Variants in LTBP1 observed in about 807,000 individuals in gnomAD.
LTBP1 encodes latent transforming growth factor beta binding protein 1, also known as latent-transforming growth factor beta-binding protein 1.
LTBP1 carries 129 observed loss-of-function variants against 207.6 expected under a neutral mutation model. The observed-to-expected ratio is 0.62, with a 90% CI of 0.54 to 0.72. The LOEUF is 0.72. Ranked by LOEUF, LTBP1 falls within the 30% of genes least tolerant of loss-of-function variation. The probability of loss-of-function intolerance (pLI) is 0.00; values close to 1 mark genes in which losing one functional copy is unlikely to be tolerated. For synonymous variants in LTBP1, 963 were observed against 833.7 expected (o/e 1.16, Z -2.67); for missense variants, 2,281 against 2,217.2 (o/e 1.03, Z -0.58).
intron 8 of LTBP1, among the ~76,000 whole-genome samples, chr2:33,219,809 A>G (rs985778830): frequency 6.6e-6 from 1 of 151,996 alleles, no homozygotes; most frequent in African/African-American, 2.4e-5. Flanking sequence ...ACCCCAAAGT[A>G]GCAGGGATGT....
intron 18 of LTBP1, among the ~76,000 whole-genome samples, chr2:33,277,396 C>T (rs551319510): frequency 1.3e-5 from 2 of 152,264 alleles, no homozygotes; most frequent in Non-Finnish European, 2.9e-5. Flanking sequence ...AGAGATGCAG[C>T]GTGGGAGCAG....
Position 33,001,959 on chromosome 2 carries a change from A to C in LTBP1, c.566-18950A>C, listed in dbSNP as rs896870309. On this transcript the variant is annotated intron_variant, in intron 2 of 33. Coordinates refer to ENST00000404816, the MANE Select transcript of LTBP1 (RefSeq NM_206943.4). ...TCTTAGACGCTTGCAGAAAGCTGGCATGGTGGCAAGGCAGAGGTGTCCTGT... is the reference window on the plus strand; with the variant it reads ...TCTTAGACGCTTGCAGAAAGCTGGCCTGGTGGCAAGGCAGAGGTGTCCTGT... Among the ~76,000 whole-genome samples the C allele has an allele frequency of 1.6e-4, 21 of 134,686 alleles. 3 individuals carry two copies. Among genetic ancestry groups the C allele is most frequent in the African/African-American group, 5.4e-4 (21 of 38,604 alleles). The allele number at this position is 134,686 out of a possible 152,430, so 88.4% of individuals were successfully genotyped here.
At chr2:33,155,673 CTT>C (rs1049108555) in intron 5 of LTBP1, among the ~76,000 whole-genome samples, 4 of 152,134 alleles carry the variant, frequency 2.6e-5, no homozygotes, top group African/African-American at 9.7e-5. Context: ...GGTCTAAAAA[CTT>C]TTCTCCTTTG....
intron 3 of LTBP1, among the ~76,000 whole-genome samples, chr2:33,053,859 C>G (rs941855161): frequency 1.1e-4 from 16 of 152,220 alleles, no homozygotes; most frequent in African/African-American, 3.6e-4. Flanking sequence ...GGCTTCCAAA[C>G]TGGTAGCCAA....
chr2:33,004,786 A>AATATAT (rs34777461), intron 2 of LTBP1, among the ~76,000 whole-genome samples: 1,352 of 101,070 alleles, frequency 0.013, 32 homozygotes, highest in East Asian at 0.046. Context: ...AAAAAAAAGG[A>AATATAT]ATATATATAT....
intron 2 of LTBP1, among the ~76,000 whole-genome samples, chr2:32,976,819 A>G (rs1681860772): frequency 6.6e-6 from 1 of 152,200 alleles, no homozygotes; most frequent in Admixed American, 6.5e-5. Context: ...CACTGACCTG[A>G]AAGTGAGGGC....
chr2:33,155,604 C>G (rs981523256), intron 5 of LTBP1, among the ~76,000 whole-genome samples: 5 of 152,068 alleles, frequency 3.3e-5, no homozygotes, highest in Admixed American at 1.3e-4. Context: ...TAGCAACCCC[C>G]CATCTCACCA....
chr2:33,162,750 TC>T (rs933600025), intron 5 of LTBP1, among the ~76,000 whole-genome samples: 4 of 152,220 alleles, frequency 2.6e-5, no homozygotes, highest in Admixed American at 6.5e-5. Flanking sequence ...TATTATTGTT[TC>T]TTGTTCTTTT....
At chr2:33,195,662 T>C (rs1041926149) in intron 7 of LTBP1, among the ~76,000 whole-genome samples, 5 of 150,732 alleles carry the variant, frequency 3.3e-5, no homozygotes, top group African/African-American at 1.2e-4. Context: ...CATTGTGAAA[T>C]GACAACAATG....
chr2:33,184,345 C>G (rs1038695867), intron 5 of LTBP1, among the ~76,000 whole-genome samples: 3 of 152,162 alleles, frequency 2.0e-5, no homozygotes, highest in African/African-American at 7.2e-5. Flanking sequence ...TAACACAAGC[C>G]TCCTTCTTCG....
chr2:33,154,453 G>A (rs1461871460), intron 5 of LTBP1, among the ~76,000 whole-genome samples: 1 of 152,114 alleles, frequency 6.6e-6, no homozygotes, highest in Non-Finnish European at 1.5e-5. Context: ...CCTTGAAACT[G>A]CTAGAATATT....
At chr2:33,329,688 G>T (rs1403421197) in intron 24 of LTBP1, among the ~76,000 whole-genome samples, 1 of 151,832 alleles carries the variant, frequency 6.6e-6, no homozygotes, top group Non-Finnish European at 1.5e-5. Context: ...ATTAACCATA[G>T]AGTCAGATAT....
In LTBP1 at chr2:33,103,587, G is replaced by T. The variant is rs191302404; in HGVS notation, c.864-6995G>T. The stretch of plus-strand genomic sequence containing the variant: ...ACCATAAATCCTTGTCTCCGTTTAC[G>T]TGTGTGTGTGTGTGTGTGTGTGTGT... On this transcript the variant is annotated intron_variant, in intron 3 of 33. Coordinates refer to ENST00000404816, the MANE Select transcript of LTBP1 (RefSeq NM_206943.4). Among the ~76,000 whole-genome samples, 4 of 18,828 alleles carry T rather than the reference G, an allele frequency of 2.1e-4. No individual in the cohort carries two copies. In the East Asian group the frequency reaches 5.7e-3, roughly 27 times the overall value. The allele number at this position is 18,828 out of a possible 152,430, so 12.4% of individuals were successfully genotyped here.
In LTBP1 at chr2:33,252,737, G is replaced by T; in HGVS notation, c.2060G>T (p.Arg687Ile). 6.2e-7 allele frequency: 1 copy of T among 1,613,988 alleles called. No individual in the cohort carries two copies. Among genetic ancestry groups the T allele is most frequent in the Non-Finnish European group, 8.5e-7 (1 of 1,179,900 alleles). Residue 687 changes from arginine (R) to isoleucine (I), a missense_variant, in exon 11 of 34, where the codon AGA becomes ATA. Arg to Ile is a moderately conservative substitution (Grantham distance 97). Coordinates refer to ENST00000404816, the MANE Select transcript of LTBP1 (RefSeq NM_206943.4). The stretch of plus-strand genomic sequence containing the variant: ...TGTTACCGACTTGTCAGTTCTGGAA[G>T]ACAGTGTATGCACCCTCTGTCTGTT... ...GPCYRLVSSGRQCMHPLSVHL... is the reference protein window; with the variant it reads ...GPCYRLVSSGIQCMHPLSVHL...
At chr2:33,366,264 A>G (rs1292084114) in intron 31 of LTBP1, among the ~76,000 whole-genome samples, 3 of 152,234 alleles carry the variant, frequency 2.0e-5, no homozygotes, top group African/African-American at 7.2e-5. Flanking sequence ...ATCCTTTTGT[A>G]AAGTTGACTT....
chr2:33,214,412 G>A lies in LTBP1; in HGVS notation c.1702-3140G>A, dbSNP rs371969756. ...CTCTAAGGTTCCCGTTTGTTCTCACGTTGGATCTGTCTCTCCCTCTTCTTC... is the reference window on the plus strand; with the variant it reads ...CTCTAAGGTTCCCGTTTGTTCTCACATTGGATCTGTCTCTCCCTCTTCTTC... On this transcript the variant is annotated intron_variant, in intron 7 of 33. Transcript: ENST00000404816. Among the ~76,000 whole-genome samples the A allele has an allele frequency of 1.8e-4, 28 of 152,244 alleles. No individual in the cohort carries two copies. In the South Asian group the frequency reaches 5.4e-3, roughly 29 times the overall value.
At chr2:33,225,698 T>G (rs1202764767) in intron 9 of LTBP1, among the ~76,000 whole-genome samples, 1 of 152,242 alleles carries the variant, frequency 6.6e-6, no homozygotes, top group Non-Finnish European at 1.5e-5. Context: ...GCTGTCATTT[T>G]GTATCTTTTA....
chr2:33,361,668 A>G (rs557890420), intron 28 of LTBP1, among the ~76,000 whole-genome samples, 153 bp downstream of exon 28: 1 of 152,334 alleles, frequency 6.6e-6, no homozygotes, highest in African/African-American at 2.4e-5. Flanking sequence ...GAAAGTCCCC[A>G]TGGACTTGCA....
intron 3 of LTBP1, among the ~76,000 whole-genome samples, chr2:33,043,595 T>C (rs914332247): frequency 6.6e-6 from 1 of 151,796 alleles, no homozygotes; most frequent in African/African-American, 2.4e-5. Flanking sequence ...GTTTTAGCTG[T>C]GGATGGAAAG....
Sources: allele counts gnomAD v4.1 joint callset (sites outside exome capture counted in the v4.1 genomes callset), GRCh38; gene constraint gnomAD v4.1.1; transcripts MANE v1.5; gene names NCBI Gene and HGNC (gene_info 2026-07-23, HGNC 2026-07-21).